Variants in DYNC2H1 observed in about 807,000 individuals in gnomAD.
DYNC2H1 encodes dynein cytoplasmic 2 heavy chain 1, also known as cytoplasmic dynein 2 heavy chain 1.
Under a neutral mutation model 570.0 loss-of-function variants are expected in DYNC2H1, and 410 were observed. That is an observed-to-expected ratio of 0.72 (90% CI 0.66 to 0.78). DYNC2H1 has a LOEUF of 0.78. Among genes scored for constraint, DYNC2H1 ranks in the 30% least tolerant of loss-of-function variants. The probability of loss-of-function intolerance (pLI) is 0.00; values close to 1 mark genes in which losing one functional copy is unlikely to be tolerated. For synonymous variants in DYNC2H1, 1,688 were observed against 1,677.6 expected (o/e 1.01, Z -0.15); for missense variants, 4,865 against 5,046.4 (o/e 0.96, Z 1.09).
chr11:103,318,627 T>C (rs957865063), intron 80 of DYNC2H1, among the ~76,000 whole-genome samples: 2 of 152,096 alleles, frequency 1.3e-5, no homozygotes, highest in Admixed American at 1.3e-4. Context: ...TTCTGTTGAG[T>C]ATATATGTAG....
intron 40 of DYNC2H1, among the ~76,000 whole-genome samples, chr11:103,183,753 A>AC: frequency 2.0e-5 from 3 of 151,902 alleles, no homozygotes; most frequent in Non-Finnish European, 4.4e-5. Flanking sequence ...AACTCTCAGT[A>AC]TGAGTCTGTC....
At chr11:103,470,539 A>G (rs1002208387) in intron 88 of DYNC2H1, among the ~76,000 whole-genome samples, 2 of 152,172 alleles carry the variant, frequency 1.3e-5, no homozygotes, top group African/African-American at 2.4e-5. Context: ...GTCATTTAGC[A>G]TTAGGTATAT....
At chr11:103,475,249 G>A (rs529492285) in intron 88 of DYNC2H1, among the ~76,000 whole-genome samples, 43 of 152,080 alleles carry the variant, frequency 2.8e-4, no homozygotes, top group Non-Finnish European at 5.6e-4. Context: ...CAAAACTTTG[G>A]AGGAAATATA....
At chr11:103,167,782 G>C (rs1349663896) in intron 31 of DYNC2H1, among the ~76,000 whole-genome samples, 7 of 152,136 alleles carry the variant, frequency 4.6e-5, no homozygotes, top group Admixed American at 4.6e-4. Context: ...TTTTGTTTTA[G>C]TAACTGATCC....
intron 18 of DYNC2H1, 78 bp downstream of exon 18, chr11:103,143,473 G>C: frequency 7.2e-7 from 1 of 1,390,428 alleles, no homozygotes; most frequent in Non-Finnish European, 9.5e-7. Flanking sequence ...CTACTTAGTG[G>C]CATTGAAGTC....
Position 103,316,619 on chromosome 11 carries a change from T to C in DYNC2H1, c.11724T>C (p.Asp3908=). 6.6e-7 allele frequency: 1 copy of C among 1,522,870 alleles called. No homozygotes were observed. Among genetic ancestry groups the C allele is most frequent in the Non-Finnish European group, 8.8e-7 (1 of 1,137,924 alleles). The allele number at this position is 1,522,870 out of a possible 1,614,324, so 94.3% of individuals were successfully genotyped here. A position where few individuals can be genotyped will look rare whatever the true frequency, so the allele number is the denominator to read the frequency against. Residue 3908 remains aspartate (D), a splice_region_variant and synonymous_variant, in exon 80 of 89, where the codon GAT becomes GAC. Coordinates refer to ENST00000375735, the MANE Select transcript of DYNC2H1 (RefSeq NM_001377.3). ...AGYNIIDRLF[D]GAKDVQWEFV... is the part of the protein sequence containing the mutation. ...ACAACATTATTGACAGACTTTTTGA[T>C]GGTAAGTTCTAACAAAAATTTTAAT... is the stretch of plus-strand genomic sequence containing the variant.
At chr11:103,226,749 A>G (rs1422257206) in intron 59 of DYNC2H1, among the ~76,000 whole-genome samples, 2 of 152,088 alleles carry the variant, frequency 1.3e-5, no homozygotes, top group African/African-American at 4.8e-5. Flanking sequence ...GAGGATTCCC[A>G]TCTTCTCTAT....
Position 103,120,790 on chromosome 11 carries a change from C to T in DYNC2H1, c.1236C>T (p.Asp412=). 1 of 1,523,576 alleles carries T rather than the reference C, an allele frequency of 6.6e-7. No homozygotes were observed. Among genetic ancestry groups the T allele is most frequent in the Non-Finnish European group, 8.8e-7 (1 of 1,133,672 alleles). 94.4% of individuals were successfully genotyped at this position (1,523,576 alleles called of 1,614,324 possible). ...AAAATTATATTTCAGAAATTCAAGA[C>T]AGTCCACAGCAGGTAAAACATTGAG... ...KLKNYISEIQ[D]SPQQLLQAFL... Residue 412 remains aspartate (D), a synonymous_variant, in exon 8 of 89, where the codon GAC becomes GAT. Coordinates refer to ENST00000375735, the MANE Select transcript of DYNC2H1 (RefSeq NM_001377.3).
chr11:103,191,642 TTGTGTGTG>T, intron 46 of DYNC2H1, 23 bp downstream of exon 46: 1 of 1,368,382 alleles, frequency 7.3e-7, no homozygotes, highest in Admixed American at 1.9e-5. Flanking sequence ...AGTGTGTATC[TTGTGTGTG>T]TGTGTGTGTG....
intron 70 of DYNC2H1, among the ~76,000 whole-genome samples, chr11:103,265,068 G>A (rs1465217137): frequency 6.6e-6 from 1 of 152,180 alleles, no homozygotes; most frequent in African/African-American, 2.4e-5. Flanking sequence ...GCAGGGACAT[G>A]GATGAAGCTG....
chr11:103,468,750 C>G (rs370395648), intron 88 of DYNC2H1, 45 bp downstream of exon 88: 1 of 1,390,928 alleles, frequency 7.2e-7, no homozygotes, highest in South Asian at 1.3e-5. Context: ...TATCAGTTCT[C>G]TCTTAGATTT....
chr11:103,273,110 C>G (rs1343040322), intron 70 of DYNC2H1, among the ~76,000 whole-genome samples: 1 of 151,322 alleles, frequency 6.6e-6, no homozygotes. Context: ...TTAATTTATT[C>G]ATTTTTTTCT....
At position 103,465,977 on chromosome 11, in the gene DYNC2H1, T is replaced by C. The variant is rs139579044; in HGVS notation, c.12649-2612T>C. ...CAAGCTTACTTGGCAAAGGGGTGCA[T>C]ATTAGGAGGAGAGGAATGTTTGACC... On this transcript the variant is annotated intron_variant, in intron 87 of 88. Transcript: ENST00000375735. The surrounding 1 kb of genome is among the most constrained non-coding windows in gnomAD (Gnocchi z 4.9). 1.3e-5 allele frequency among the ~76,000 whole-genome samples: 2 copies of C among 152,238 alleles called. No individual in the cohort carries two copies. Among genetic ancestry groups the C allele is most frequent in the East Asian group, 3.9e-4 (2 of 5,178 alleles).
chr11:103,194,198 C>A (rs1862427214), intron 47 of DYNC2H1, among the ~76,000 whole-genome samples: 1 of 151,066 alleles, frequency 6.6e-6, no homozygotes, highest in African/African-American at 2.5e-5. Flanking sequence ...AGAAAGTTAT[C>A]TTGACTCAAC....
chr11:103,476,065 C>T (rs185464668), intron 88 of DYNC2H1, among the ~76,000 whole-genome samples: 25 of 152,266 alleles, frequency 1.6e-4, no homozygotes, highest in African/African-American at 5.1e-4. Flanking sequence ...TCTTTGTCTG[C>T]TCTTTGCCAA....
chr11:103,251,656 C>T (rs1451617724), intron 65 of DYNC2H1, among the ~76,000 whole-genome samples: 2 of 152,082 alleles, frequency 1.3e-5, no homozygotes, highest in Admixed American at 6.6e-5. Flanking sequence ...TACATATCTG[C>T]TATTTTGTAT....
intron 88 of DYNC2H1, among the ~76,000 whole-genome samples, chr11:103,469,077 G>C (rs1945285939): frequency 6.6e-6 from 1 of 152,156 alleles, no homozygotes; most frequent in Non-Finnish European, 1.5e-5. Flanking sequence ...ATGCAAGGCA[G>C]ATATTATTAT....
intron 85 of DYNC2H1, among the ~76,000 whole-genome samples, chr11:103,445,111 A>G (rs1944382852): frequency 6.6e-6 from 1 of 152,230 alleles, no homozygotes; most frequent in Admixed American, 6.5e-5. Context: ...CATTTTGTAC[A>G]TTCAAATAAA....
intron 81 of DYNC2H1, among the ~76,000 whole-genome samples, chr11:103,321,855 A>C (rs182987287): frequency 2.4e-4 from 36 of 152,160 alleles, no homozygotes; most frequent in Admixed American, 6.5e-4. Context: ...TCTGTGTATA[A>C]GTGTGCAAAT....
Sources: gnomAD v4.1 joint callset for allele counts (sites outside exome capture counted in the v4.1 genomes callset) on GRCh38, gnomAD v4.1.1 for gene constraint, Gnocchi (gnomAD v3.1) non-coding constraint, MANE v1.5 for transcripts, NCBI Gene and HGNC (gene_info 2026-07-23, HGNC 2026-07-21) for gene names.